The following EPS8L3 variants were observed in gnomAD, a reference collection of about 807,000 sequenced individuals.
EPS8L3 encodes the protein epidermal growth factor receptor kinase substrate 8-like protein 3.
A neutral mutation model predicts 88.5 loss-of-function variants in EPS8L3; 80 were observed. The ratio of observed to expected loss-of-function variants is 0.90; its 90% CI spans 0.75 to 1.09. EPS8L3 has a LOEUF of 1.09. Among genes scored for constraint, EPS8L3 ranks in the 50% least tolerant of loss-of-function variants. The pLI is 0.00. For missense variants in EPS8L3, 721 were observed against 735.2 expected, an observed-to-expected ratio of 0.98 and a Z score of 0.22; for synonymous variants, 286 against 291.0, an observed-to-expected ratio of 0.98 and a Z score of 0.18.
Position 109,751,505 on chromosome 1 carries a change from C to T in EPS8L3, c.1563+149G>A, listed in dbSNP as rs531321415. 2.9e-4 allele frequency: 393 copies of T among 1,378,706 alleles called. 3 individuals carry two copies. The South Asian group carries it at 4.1e-3, about 14-fold the overall frequency. 85.4% of individuals were successfully genotyped at this position (1,378,706 alleles called of 1,614,324 possible). On this transcript the variant is annotated intron_variant, in intron 16 of 18. Coordinates refer to ENST00000361965, the MANE Select transcript of EPS8L3 (RefSeq NM_133181.4). ...CAGGGAGCTGGTCTTGTTCTCTGCT[C>T]TGGCCCCATGATAAAGTTGGCACAC... is the stretch of plus-strand genomic sequence containing the variant.
intron 11 of EPS8L3, 144 bp downstream of exon 11, chr1:109,757,337 T>C: frequency 9.0e-7 from 1 of 1,114,372 alleles, no homozygotes; most frequent in Non-Finnish European, 1.3e-6. Context: ...CTTAGAGCCT[T>C]GGCGTCCTTG....
chr1:109,751,969 T>C, intron 15 of EPS8L3, 26 bp downstream of exon 15: 1 of 1,578,456 alleles, frequency 6.3e-7, no homozygotes, highest in Non-Finnish European at 8.6e-7. Flanking sequence ...ACCACCTCCT[T>C]TTCTAGCCTA....
At chr1:109,751,389 A>T in intron 16 of EPS8L3, 38 bp from the exon 17 acceptor site, 1 of 1,594,994 alleles carries the variant, frequency 6.3e-7, no homozygotes, top group Non-Finnish European at 8.6e-7. Context: ...AGTCCATCTC[A>T]TCTCACAGCC....
rs1191335739 is a variant in EPS8L3, at chr1:109,751,352, C to T, written c.1564-1G>A. 1 of 1,613,548 alleles carries T rather than the reference C, an allele frequency of 6.2e-7. No individual in the cohort carries two copies. Among genetic ancestry groups the T allele is most frequent in the Non-Finnish European group, 8.5e-7 (1 of 1,179,924 alleles). Reference sequence around the variant, plus strand: ...TCGAGCTAAGTCGAAGCATTGGAACCTAGAATCAGGGGGAACCAGGGATCA... The same window carrying T: ...TCGAGCTAAGTCGAAGCATTGGAACTTAGAATCAGGGGGAACCAGGGATCA... On this transcript the variant is annotated splice_acceptor_variant, in intron 16 of 18. Transcript: ENST00000361965. LOFTEE classifies it high-confidence loss of function.
At chr1:109,756,648 G>A (rs1650309791) in intron 12 of EPS8L3, among the ~76,000 whole-genome samples, 1 of 152,170 alleles carries the variant, frequency 6.6e-6, no homozygotes, top group Non-Finnish European at 1.5e-5. Context: ...TATTACATTT[G>A]CAGCATCTCT....
chr1:109,760,729 TG>T (rs1035907920), intron 3 of EPS8L3, among the ~76,000 whole-genome samples: 3 of 151,746 alleles, frequency 2.0e-5, no homozygotes, highest in African/African-American at 7.3e-5. Flanking sequence ...TGCTGCCCTG[TG>T]GGACCTGCAG....
intron 1 of EPS8L3, among the ~76,000 whole-genome samples, chr1:109,762,159 A>T (rs1651047323): frequency 1.3e-5 from 2 of 152,166 alleles, no homozygotes; most frequent in African/African-American, 4.8e-5. Flanking sequence ...GGATGAGCAG[A>T]GGGTTCTGTA....
intron 14 of EPS8L3, 101 bp from the exon 15 acceptor site, chr1:109,752,294 A>T (rs1649873488): frequency 8.2e-7 from 1 of 1,216,178 alleles, no homozygotes; most frequent in Non-Finnish European, 1.2e-6. Flanking sequence ...CTGCAGTCTG[A>T]TGGTGACTTT....
chr1:109,757,103 A>T lies in EPS8L3; in HGVS notation c.1032T>A (p.Pro344=). ...AGGACTGTAGCAGGTTGATAGCTTTAGGGGTGAGGAGGGGTGAGATCACTT... is the reference window on the plus strand; with the variant it reads ...AGGACTGTAGCAGGTTGATAGCTTTTGGGGTGAGGAGGGGTGAGATCACTT... The part of the protein sequence containing the change: ...AAQVISPLLT[P]KAINLLQSCL... Residue 344 remains proline, a synonymous_variant, in exon 12 of 19, where the codon CCT becomes CCA. Transcript: ENST00000361965. The T allele has an allele frequency of 1.2e-6, 2 of 1,614,022 alleles. No individual in the cohort carries two copies. The highest frequency in any genetic ancestry group is 8.5e-7 in the Non-Finnish European group (1 of 1,179,918).
At position 109,750,315 on chromosome 1, in the gene EPS8L3, T is replaced by C; in HGVS notation, c.*76A>G. The C allele has an allele frequency of 6.4e-7, 1 of 1,571,692 alleles. No individual in the cohort carries two copies. Among genetic ancestry groups the C allele is most frequent in the Non-Finnish European group, 8.7e-7 (1 of 1,148,694 alleles). On this transcript the variant is annotated 3_prime_UTR_variant, in exon 19 of 19. Coordinates refer to ENST00000361965, the MANE Select transcript of EPS8L3 (RefSeq NM_133181.4). ...AAACTGGGATCCAGAAGAGGAATTC[T>C]CGGGGCTCTAATGGGTATCAGATCT...
chr1:109,761,294 T>C, intron 3 of EPS8L3: 1 of 583,638 alleles, frequency 1.7e-6, no homozygotes, highest in African/African-American at 1.9e-5. Context: ...CTGTTCAATC[T>C]GACCACCCCT....
chr1:109,756,986 C>T, intron 12 of EPS8L3, 31 bp downstream of exon 12: 2 of 1,614,138 alleles, frequency 1.2e-6, no homozygotes, highest in Non-Finnish European at 1.7e-6. Context: ...CCCCTCACCC[C>T]CGATTCAGTT....
chr1:109,761,292 T>G, intron 3 of EPS8L3: 1 of 581,132 alleles, frequency 1.7e-6, no homozygotes, highest in South Asian at 2.1e-5. Context: ...CTCTGTTCAA[T>G]CTGACCACCC....
At chr1:109,761,809 G>A (rs1349550457) in intron 1 of EPS8L3, 36 bp from the exon 2 acceptor site, 3 of 1,593,354 alleles carry the variant, frequency 1.9e-6, no homozygotes, top group South Asian at 1.1e-5. Flanking sequence ...AGCCATCAGA[G>A]CTGGGGAAAG....
intron 18 of EPS8L3, 37 bp from the exon 19 acceptor site, chr1:109,750,439 A>G (rs1301817500): frequency 6.2e-7 from 1 of 1,612,518 alleles, no homozygotes; most frequent in Non-Finnish European, 8.5e-7. Flanking sequence ...GGCTGATGGC[A>G]GGTGAGGGAT....
At chr1:109,751,232 C>G in intron 17 of EPS8L3, 46 bp downstream of exon 17, 2 of 1,572,970 alleles carry the variant, frequency 1.3e-6, no homozygotes, top group Non-Finnish European at 1.7e-6. Context: ...TTGGTTAGCC[C>G]TTTACAAAGT....
In EPS8L3 at chr1:109,760,596, C is replaced by G. The variant is rs565684447; in HGVS notation, c.97-760G>C. On this transcript the variant is annotated intron_variant, in intron 3 of 18. Coordinates refer to ENST00000361965, the MANE Select transcript of EPS8L3 (RefSeq NM_133181.4). ...CATCATGAGCAAACTCCATCCTCCT[C>G]TTGCTCTGCCTGCTGGGCCTAAAAG... Among the ~76,000 whole-genome samples the G allele has an allele frequency of 2.8e-4, 42 of 152,148 alleles. No homozygotes were observed. In the South Asian group the frequency reaches 8.5e-3, roughly 31 times the overall value.
In EPS8L3 at chr1:109,752,738, G is replaced by A; in HGVS notation, c.1201-18C>T. 6.4e-7 allele frequency: 1 copy of A among 1,551,530 alleles called. No homozygotes were observed. The highest frequency in any genetic ancestry group is 8.7e-7 in the Non-Finnish European group (1 of 1,146,670). Reference sequence around the variant, plus strand: ...AAGGGTGCCTGTAAGGGACAGAACAGAGAGTGAGTAAGAGCAGGAGGCAGC... The same window carrying A: ...AAGGGTGCCTGTAAGGGACAGAACAAAGAGTGAGTAAGAGCAGGAGGCAGC... On this transcript the variant is annotated intron_variant, in intron 13 of 18. Coordinates refer to ENST00000361965, the MANE Select transcript of EPS8L3 (RefSeq NM_133181.4).
At chr1:109,755,155 T>C (rs999097610) in intron 12 of EPS8L3, among the ~76,000 whole-genome samples, 5 of 152,230 alleles carry the variant, frequency 3.3e-5, no homozygotes, top group Non-Finnish European at 7.3e-5. Context: ...ATTGTATGAT[T>C]TCACTTATAT....
Sources: allele counts gnomAD v4.1 joint callset (sites outside exome capture counted in the v4.1 genomes callset), GRCh38; gene constraint gnomAD v4.1.1; transcripts MANE v1.5; gene names NCBI Gene and HGNC (gene_info 2026-07-23, HGNC 2026-07-21).